LTBP1: variants seen among roughly 807,000 people sequenced by gnomAD.
The protein encoded by LTBP1 is latent transforming growth factor beta binding protein 1.
LTBP1 carries 129 observed loss-of-function variants against 207.6 expected under a neutral mutation model. That is an observed-to-expected ratio of 0.62 (90% CI 0.54 to 0.72). The LOEUF is 0.72. Among genes scored for constraint, LTBP1 ranks in the 30% least tolerant of loss-of-function variants. The probability of loss-of-function intolerance (pLI) is 0.00; values close to 1 mark genes in which losing one functional copy is unlikely to be tolerated. For missense variants in LTBP1, 2,281 were observed against 2,217.2 expected (o/e 1.03, Z -0.58); for synonymous variants, 963 against 833.7 (o/e 1.16, Z -2.67).
chr2:33,090,690 G>A (rs2079032958), intron 3 of LTBP1, among the ~76,000 whole-genome samples: 1 of 152,174 alleles, frequency 6.6e-6, no homozygotes, highest in Admixed American at 6.5e-5. Flanking sequence ...GATGATCTTT[G>A]CTGTCTTCAA....
At chr2:33,349,845 T>G (rs2149804702) in intron 26 of LTBP1, among the ~76,000 whole-genome samples, 1 of 152,326 alleles carries the variant, frequency 6.6e-6, no homozygotes, top group East Asian at 1.9e-4. Flanking sequence ...TGACACAGAA[T>G]GTTTGAGTGT....
chr2:33,053,159 C>T (rs939344059), intron 3 of LTBP1, among the ~76,000 whole-genome samples: 7 of 152,204 alleles, frequency 4.6e-5, no homozygotes, highest in African/African-American at 1.4e-4. Context: ...GCGTAAGCCA[C>T]CGCGCCTGGC....
Position 33,364,086 on chromosome 2 carries a change from A to T in LTBP1, c.4400-130A>T. On this transcript the variant is annotated intron_variant, in intron 29 of 33. Coordinates refer to ENST00000404816, the MANE Select transcript of LTBP1 (RefSeq NM_206943.4). ...CAGAGCCACTCTCTTTTGGATGATA[A>T]TGTGTGGTTAATTAAAATTTGGCAG... The T allele has an allele frequency of 4.0e-6, 3 of 758,960 alleles. No homozygotes were observed. The South Asian group carries it at 5.9e-5, about 15-fold the overall frequency. The allele number at this position is 758,960 out of a possible 1,614,324, so 47.0% of individuals were successfully genotyped here. A position where few individuals can be genotyped will look rare whatever the true frequency, so the allele number is the denominator to read the frequency against.
chr2:32,980,928 G>C (rs1682670479), intron 2 of LTBP1, among the ~76,000 whole-genome samples: 1 of 152,134 alleles, frequency 6.6e-6, no homozygotes, highest in African/African-American at 2.4e-5. Context: ...AAGGTTTCCA[G>C]TGAAAAGCCT....
At chr2:33,309,782 C>G (rs1487182881) in intron 23 of LTBP1, among the ~76,000 whole-genome samples, 1 of 152,236 alleles carries the variant, frequency 6.6e-6, no homozygotes, top group Admixed American at 6.5e-5. Context: ...TGTGTCCTCA[C>G]TGCGTGCTTC....
chr2:33,103,627 GAGTGTT>G (rs796207243), intron 3 of LTBP1, among the ~76,000 whole-genome samples: 6 of 92,658 alleles, frequency 6.5e-5, no homozygotes, highest in Admixed American at 2.1e-4. Context: ...GTGTGTGTGT[GAGTGTT>G]ATGCTGCCAT....
At chr2:33,150,848 G>C (rs1410842339) in intron 5 of LTBP1, among the ~76,000 whole-genome samples, 1 of 149,568 alleles carries the variant, frequency 6.7e-6, no homozygotes, top group Non-Finnish European at 1.5e-5. Context: ...CGATTCTCTT[G>C]CCTCAGCCTC....
intron 2 of LTBP1, among the ~76,000 whole-genome samples, chr2:32,988,677 T>G (rs1683959265): frequency 1.3e-5 from 2 of 152,204 alleles, no homozygotes; most frequent in African/African-American, 4.8e-5. Flanking sequence ...TTCCCCAGTA[T>G]TTAGAAGTGT....
intron 4 of LTBP1, among the ~76,000 whole-genome samples, chr2:33,114,130 C>A (rs2080585995): frequency 6.6e-6 from 1 of 152,248 alleles, no homozygotes; most frequent in Non-Finnish European, 1.5e-5. Flanking sequence ...GTGTGAGCCA[C>A]CATGCCCAGC....
At chr2:33,368,953 T>C (rs1181344108) in intron 31 of LTBP1, among the ~76,000 whole-genome samples, 1 of 152,224 alleles carries the variant, frequency 6.6e-6, no homozygotes, top group African/African-American at 2.4e-5. Context: ...TTTAAAAACC[T>C]TCAAGTATTT....
chr2:33,263,498 C>A, intron 15 of LTBP1, 106 bp downstream of exon 15: 1 of 701,566 alleles, frequency 1.4e-6, no homozygotes, highest in Non-Finnish European at 2.4e-6. Flanking sequence ...GCAGGGTTAG[C>A]CATACTAGCA....
rs948216808 is a variant in LTBP1, at chr2:33,202,476, T to C, written c.1701+13625T>C. Among the ~76,000 whole-genome samples the C allele has an allele frequency of 7.2e-5, 11 of 152,152 alleles. No individual in the cohort carries two copies. In the East Asian group the frequency reaches 2.1e-3, roughly 29 times the overall value. On this transcript the variant is annotated intron_variant, in intron 7 of 33. Transcript: ENST00000404816. ...CCTGCTCTTGAATTTCCGCAGTATCTCTCCTGTCCTGGCAACGTGAATATT... is the reference window on the plus strand; with the variant it reads ...CCTGCTCTTGAATTTCCGCAGTATCCCTCCTGTCCTGGCAACGTGAATATT...
intron 26 of LTBP1, among the ~76,000 whole-genome samples, chr2:33,349,099 A>C (rs17644939): frequency 0.067 from 10,128 of 152,278 alleles, 417 homozygotes; most frequent in Middle Eastern, 0.1. Flanking sequence ...AAGGTGATTA[A>C]AAACTAGAAA....
chr2:33,204,956 C>T lies in LTBP1; in HGVS notation c.1702-12596C>T, dbSNP rs189653260. On this transcript the variant is annotated intron_variant, in intron 7 of 33. Transcript: ENST00000404816. Reference sequence around the variant, plus strand: ...TTTAGCAAATTCATCATATCTTGGCCCTCAGTTTCTTCATTTTTCAAATAA... The same window carrying T: ...TTTAGCAAATTCATCATATCTTGGCTCTCAGTTTCTTCATTTTTCAAATAA... Among the ~76,000 whole-genome samples the T allele has an allele frequency of 2.0e-4, 30 of 152,228 alleles. 1 individual carries two copies. Among genetic ancestry groups the T allele is most frequent in the African/African-American group, 6.5e-4 (27 of 41,540 alleles).
At chr2:33,079,492 C>A (rs1661121806) in intron 3 of LTBP1, among the ~76,000 whole-genome samples, 1 of 152,104 alleles carries the variant, frequency 6.6e-6, no homozygotes, top group Non-Finnish European at 1.5e-5. Flanking sequence ...TTAGGAAATC[C>A]AATGTTAATA....
chr2:33,149,309 C>T (rs1042358162), intron 5 of LTBP1, among the ~76,000 whole-genome samples: 2 of 145,762 alleles, frequency 1.4e-5, no homozygotes, highest in African/African-American at 5.0e-5. Context: ...TCATTAGCAA[C>T]AAAGTTGAGA....
chr2:32,982,824 G>A (rs1682972109), intron 2 of LTBP1, among the ~76,000 whole-genome samples: 1 of 152,240 alleles, frequency 6.6e-6, no homozygotes, highest in South Asian at 2.1e-4. Flanking sequence ...AGATTTCAAA[G>A]GATGTATGGA....
intron 2 of LTBP1, among the ~76,000 whole-genome samples, chr2:32,976,453 C>A (rs970301239): frequency 6.6e-5 from 10 of 152,308 alleles, no homozygotes; most frequent in African/African-American, 9.6e-5. Context: ...TATATCCTGG[C>A]AAAATATTTT....
chr2:33,320,793 A>G (rs928699200), intron 24 of LTBP1, among the ~76,000 whole-genome samples: 3 of 152,222 alleles, frequency 2.0e-5, no homozygotes, highest in African/African-American at 7.2e-5. Flanking sequence ...TTCATCAGTC[A>G]TAACAACTGT....
Sources: allele counts gnomAD v4.1 joint callset (sites outside exome capture counted in the v4.1 genomes callset), GRCh38; gene constraint gnomAD v4.1.1; transcripts MANE v1.5; gene names NCBI Gene and HGNC (gene_info 2026-07-23, HGNC 2026-07-21).